Variants in ING4 observed in about 807,000 individuals in gnomAD.
ING4 encodes inhibitor of growth family member 4.
ING4 carries 28 observed loss-of-function variants against 33.1 expected under a neutral mutation model. That is an observed-to-expected ratio of 0.85 (90% CI 0.63 to 1.16). The LOEUF (loss-of-function observed/expected upper bound fraction) is 1.16. Among genes scored for constraint, ING4 ranks in the 50% most tolerant of loss-of-function variants. The probability of loss-of-function intolerance (pLI) is 0.00; values close to 1 mark genes in which losing one functional copy is unlikely to be tolerated. For missense variants in ING4, 247 were observed against 314.7 expected, an observed-to-expected ratio of 0.78 and a Z score of 1.63; for synonymous variants, 87 against 104.4, an observed-to-expected ratio of 0.83 and a Z score of 1.02.
chr12:6,654,749 G>T (rs548319098), intron 2 of ING4, among the ~76,000 whole-genome samples: 25 of 151,886 alleles, frequency 1.6e-4, no homozygotes, highest in African/African-American at 5.6e-4. Flanking sequence ...TTTTGAGACG[G>T]AGTCACGCTC....
chr12:6,657,703 G>A (rs1467290307), intron 1 of ING4: 3 of 151,672 alleles, frequency 2.0e-5, no homozygotes, highest in African/African-American at 4.8e-5. Flanking sequence ...AGGTTGAGGC[G>A]GGTGGATCAC....
intron 1 of ING4, chr12:6,657,843 TC>T (rs1173482325): frequency 6.8e-6 from 1 of 147,058 alleles, no homozygotes; most frequent in Non-Finnish European, 1.5e-5. Flanking sequence ...GGCAGGAGAA[TC>T]ACTTGAACCT....
At chr12:6,663,044 C>CAT (rs746272602) in intron 1 of ING4, 21 bp downstream of exon 1, 8 of 1,613,620 alleles carry the variant, frequency 5.0e-6, no homozygotes. Context: ...GCCCCGACCC[C>CAT]CACCTCCAGC....
chr12:6,651,569 TCTCA>T, intron 6 of ING4, among the ~76,000 whole-genome samples, 184 bp from the exon 7 acceptor site: 1 of 152,232 alleles, frequency 6.6e-6, no homozygotes, highest in South Asian at 2.1e-4. Flanking sequence ...TGAGGCAGAG[TCTCA>T]CTCTGTTGCC....
At position 6,652,374 on chromosome 12, in the gene ING4, T is replaced by C; in HGVS notation, c.542A>G (p.His181Arg). The C allele has an allele frequency of 1.2e-6, 2 of 1,613,798 alleles. No individual in the cohort carries two copies. The highest frequency in any genetic ancestry group is 1.6e-4 in the Middle Eastern group (1 of 6,062). The change falls in exon 6 of 8, where the codon CAC (histidine) becomes CGC (arginine). Residue 181 changes from histidine (H) to arginine (R), a missense_variant. By Grantham distance (29) the His-to-Arg change is conservative (BLOSUM62 0). Transcript: ENST00000341550. ...GMPSVTFGSV[H>R]PSDVLDMPVD... ...AGGCATATCCAACACATCAGAGGGG[T>C]GGACACTGCCAAAGGTCACTGAGGG...
intron 1 of ING4, among the ~76,000 whole-genome samples, chr12:6,661,579 G>T (rs1198803978): frequency 2.7e-5 from 4 of 150,840 alleles, no homozygotes; most frequent in Non-Finnish European, 4.4e-5. Context: ...ATGCCACCAT[G>T]CCCAGCTAAT....
Position 6,660,434 on chromosome 12 carries a change from C to A in ING4, c.37+2631G>T, listed in dbSNP as rs1051829924. Among the ~76,000 whole-genome samples, 28 of 152,090 alleles carry A rather than the reference C, an allele frequency of 1.8e-4. 1 individual carries two copies. The highest frequency in any genetic ancestry group is 1.7e-3 in the Admixed American group (26 of 15,262). On this transcript the variant is annotated intron_variant, in intron 1 of 7. Coordinates refer to ENST00000341550, the MANE Select transcript of ING4 (RefSeq NM_016162.4). Reference sequence around the variant, plus strand: ...GACCAGCCTGGCCAACACAGTGAAACCTCATCTCTACTAAAAATACAAAAA... The same window carrying A: ...GACCAGCCTGGCCAACACAGTGAAAACTCATCTCTACTAAAAATACAAAAA...
At chr12:6,660,498 C>T (rs1173629534) in intron 1 of ING4, among the ~76,000 whole-genome samples, 1 of 151,982 alleles carries the variant, frequency 6.6e-6, no homozygotes, top group Non-Finnish European at 1.5e-5. Flanking sequence ...ATCCTAGCTA[C>T]TCAAGAGGCT....
chr12:6,654,851 A>T (rs1434308485), intron 2 of ING4, among the ~76,000 whole-genome samples: 1 of 151,872 alleles, frequency 6.6e-6, no homozygotes, highest in African/African-American at 2.4e-5. Context: ...CAGTCTCCCA[A>T]GTAGCTGGGA....
chr12:6,662,404 C>T (rs1017508512), intron 1 of ING4, among the ~76,000 whole-genome samples: 2 of 152,136 alleles, frequency 1.3e-5, no homozygotes, highest in African/African-American at 2.4e-5. Context: ...TTGTCTTACT[C>T]ATTTTTCTAT....
chr12:6,655,056 T>A (rs115876538), intron 2 of ING4, among the ~76,000 whole-genome samples: 2,892 of 151,094 alleles, frequency 0.019, 76 homozygotes, highest in African/African-American at 0.064. Flanking sequence ...TTATTTATTT[T>A]TTTTTGAGAC....
At chr12:6,657,481 G>A (rs147897876) in intron 1 of ING4, among the ~76,000 whole-genome samples, 422 of 152,008 alleles carry the variant, frequency 2.8e-3, no homozygotes, top group African/African-American at 9.8e-3. Flanking sequence ...AAAATAAAGT[G>A]CAGCTCAGTT....
intron 1 of ING4, among the ~76,000 whole-genome samples, chr12:6,658,202 C>T (rs556186631): frequency 4.0e-5 from 6 of 151,856 alleles, no homozygotes; most frequent in African/African-American, 1.2e-4. Flanking sequence ...TCAGGTGATC[C>T]GCCCGCCTTG....
chr12:6,661,014 G>A (rs988774933), intron 1 of ING4, among the ~76,000 whole-genome samples: 3 of 150,190 alleles, frequency 2.0e-5, no homozygotes, highest in African/African-American at 4.9e-5. Context: ...GCTGGTCTTG[G>A]AACTCCTGAC....
chr12:6,654,402 G>A (rs1254557888), intron 2 of ING4, among the ~76,000 whole-genome samples: 2 of 150,242 alleles, frequency 1.3e-5, no homozygotes, highest in Non-Finnish European at 3.0e-5. Context: ...GCATGATCAT[G>A]GATCACACTG....
intron 1 of ING4, among the ~76,000 whole-genome samples, chr12:6,659,255 C>A (rs1346511767): frequency 6.6e-6 from 1 of 151,988 alleles, no homozygotes; most frequent in African/African-American, 2.4e-5. Context: ...CCCATCTCTA[C>A]TAAAAATACA....
At position 6,650,414 on chromosome 12, in the gene ING4, CCT is replaced by C. The variant is rs768627580; in HGVS notation, c.*779_*780del. ...CTGGTCTGAGGCCTACCCTCCAGCA[CCT>C]CTGTCTTTCCCAAGTTGAGAACTTA... On this transcript the variant is annotated 3_prime_UTR_variant, in exon 8 of 8. Coordinates refer to ENST00000341550, the MANE Select transcript of ING4 (RefSeq NM_016162.4). 3 of 152,380 alleles carry C rather than the reference CCT, an allele frequency of 2.0e-5. No individual in the cohort carries two copies. Among genetic ancestry groups the C allele is most frequent in the African/African-American group, 4.8e-5 (2 of 41,418 alleles). The allele number at this position is 152,380 out of a possible 1,614,324, so 9.4% of individuals were successfully genotyped here.
At position 6,663,062 on chromosome 12, in the gene ING4, T is replaced by C; in HGVS notation, c.37+3A>G. On this transcript the variant is annotated splice_donor_region_variant and intron_variant, in intron 1 of 7. Transcript: ENST00000341550. ...CCGACCCCCACCTCCAGCCTGCTCT[T>C]ACTGTCCAGATAATGTTCCAAATAC... 6.2e-7 allele frequency: 1 copy of C among 1,614,072 alleles called. No homozygotes were observed. Among genetic ancestry groups the C allele is most frequent in the South Asian group, 1.1e-5 (1 of 91,068 alleles).
At chr12:6,657,689 T>C (rs1301003623) in intron 1 of ING4, 1 of 151,772 alleles carries the variant, frequency 6.6e-6, no homozygotes, top group Non-Finnish European at 1.5e-5. Flanking sequence ...CCCAGCACTT[T>C]GGGAGGTTGA....
Sources: allele counts gnomAD v4.1 joint callset (sites outside exome capture counted in the v4.1 genomes callset), GRCh38; gene constraint gnomAD v4.1.1; transcripts MANE v1.5; gene names NCBI Gene and HGNC (gene_info 2026-07-23, HGNC 2026-07-21).